Variants in LCOR observed in about 807,000 individuals in gnomAD.
LCOR encodes ligand dependent nuclear receptor corepressor, also known as ligand-dependent corepressor.
Under a neutral mutation model 64.4 loss-of-function variants are expected in LCOR, and 14 were observed. That is an observed-to-expected ratio of 0.22 (90% CI 0.14 to 0.34). The LOEUF is 0.34. LCOR is among the 10% of genes least tolerant of loss of function. The pLI is 1.00. For missense variants in LCOR, 1,686 were observed against 1,765.3 expected (o/e 0.96, Z 0.80); for synonymous variants, 643 against 642.5 (o/e 1.00, Z -0.01).
intron 2 of LCOR, among the ~76,000 whole-genome samples, chr10:96,904,269 A>G (rs1231658943): frequency 3.3e-5 from 5 of 152,204 alleles, no homozygotes. Context: ...AGCAAAGGTG[A>G]GATGCAGAGG....
chr10:96,886,832 ATCT>A (rs1182785674), intron 2 of LCOR, among the ~76,000 whole-genome samples: 1 of 152,210 alleles, frequency 6.6e-6, no homozygotes, highest in Non-Finnish European at 1.5e-5. Context: ...ATTTATTCCT[ATCT>A]TTAAACCAGT....
rs1217995793 is a variant in LCOR at position 96,984,830 on chromosome 10, T to C, written c.4370T>C (p.Val1457Ala). Residue 1457 changes from valine (V) to alanine (A), a missense_variant, in exon 8 of 8, where the codon GTG (valine) becomes GCG (alanine). Around this residue, in one of 3 missense-constraint regions of LCOR, gnomAD observed 1,293 missense variants for 1,410.4 expected, o/e 0.92. Transcript: ENST00000421806. ...PKKTSLKENK[V>A]KIPKKSAGKS... ...AAGACGTCTTTGAAAGAGAATAAAG[T>C]GAAGATCCCTAAAAAGTCCGCTGGG... The C allele has an allele frequency of 6.2e-7, 1 of 1,613,862 alleles. No individual in the cohort carries two copies. The highest frequency in any genetic ancestry group is 1.7e-5 in the Admixed American group (1 of 60,004).
chr10:96,862,623 T>C (rs1265089365), intron 2 of LCOR, among the ~76,000 whole-genome samples: 1 of 152,154 alleles, frequency 6.6e-6, no homozygotes, highest in Non-Finnish European at 1.5e-5. Context: ...CTTCAGCCCT[T>C]TTCCCTTCTC....
chr10:96,942,325 CGCAGGCACTCG>C, intron 4 of LCOR, among the ~76,000 whole-genome samples: 1 of 150,706 alleles, frequency 6.6e-6, no homozygotes, highest in African/African-American at 2.4e-5. Context: ...CGCCTGCAAT[CGCAGGCACTCG>C]GCAGGCTGAG....
At chr10:96,935,191 C>T (rs1847328780) in intron 4 of LCOR, among the ~76,000 whole-genome samples, 1 of 131,940 alleles carries the variant, frequency 7.6e-6, no homozygotes, top group Admixed American at 8.2e-5. Context: ...CTCTGTCACC[C>T]AGTCTGGAAT....
intron 2 of LCOR, among the ~76,000 whole-genome samples, chr10:96,869,295 C>T (rs1846031276): frequency 6.6e-6 from 1 of 152,132 alleles, no homozygotes; most frequent in Non-Finnish European, 1.5e-5. Flanking sequence ...CCATTACAGC[C>T]TCCACCTTCT....
At chr10:96,833,277 C>G (rs913919760) in intron 1 of LCOR, 129 bp from the exon 2 acceptor site, 1 of 953,014 alleles carries the variant, frequency 1.0e-6, no homozygotes, top group Non-Finnish European at 1.2e-6. Flanking sequence ...CCTCCCGGAC[C>G]TTGGGCCGCC....
chr10:96,841,547 G>T (rs879543127), intron 2 of LCOR, among the ~76,000 whole-genome samples: 7 of 151,924 alleles, frequency 4.6e-5, no homozygotes, highest in Non-Finnish European at 1.0e-4. Flanking sequence ...TTTTAGTAGA[G>T]ACGGGGTTTC....
chr10:96,923,351 A>G (rs1311517411), intron 4 of LCOR, among the ~76,000 whole-genome samples: 1 of 152,240 alleles, frequency 6.6e-6, no homozygotes, highest in Non-Finnish European at 1.5e-5. Flanking sequence ...TATGAATTTA[A>G]AACAATATTA....
intron 7 of LCOR, chr10:96,955,721 T>C (rs1014041926): frequency 1.2e-6 from 2 of 1,613,794 alleles, no homozygotes; most frequent in African/African-American, 2.7e-5. Context: ...GAAAAATGAG[T>C]GTTTCCAAAG....
At position 96,981,899 on chromosome 10, in the gene LCOR, C is replaced by T; in HGVS notation, c.1439C>T (p.Thr480Ile). The change falls in exon 8 of 8, where the codon ACA (threonine) becomes ATA (isoleucine). Residue 480 changes from threonine to isoleucine, a missense_variant. Physicochemically the swap from Thr to Ile is moderately conservative, Grantham distance 89. Coordinates refer to ENST00000421806, the MANE Select transcript of LCOR (RefSeq NM_001346516.2). ...GTTGTTTATATCAGTCAACCAATAACAGAATGCCACTTTGAGAATCAAAAA... is the reference window on the plus strand; with the variant it reads ...GTTGTTTATATCAGTCAACCAATAATAGAATGCCACTTTGAGAATCAAAAA... ...CDVVYISQPI[T>I]ECHFENQKSI... is the part of the protein sequence containing the mutation. The T allele has an allele frequency of 1.2e-6, 2 of 1,614,162 alleles. No homozygotes were observed. Among genetic ancestry groups the T allele is most frequent in the Non-Finnish European group, 1.7e-6 (2 of 1,180,028 alleles).
At chr10:96,852,186 G>T (rs1417735402) in intron 2 of LCOR, among the ~76,000 whole-genome samples, 1 of 152,228 alleles carries the variant, frequency 6.6e-6, no homozygotes, top group African/African-American at 2.4e-5. Flanking sequence ...GGAGGCTCAG[G>T]TGGGAGGATC....
intron 4 of LCOR, among the ~76,000 whole-genome samples, chr10:96,912,149 G>A (rs1007726715): frequency 6.6e-6 from 1 of 151,894 alleles, no homozygotes; most frequent in Non-Finnish European, 1.5e-5. Context: ...GGTCAGGATG[G>A]TCTCAAACTC....
At chr10:96,956,002 A>T in intron 7 of LCOR, 1 of 1,519,194 alleles carries the variant, frequency 6.6e-7, no homozygotes, top group African/African-American at 1.4e-5. Flanking sequence ...GCTTGCACGT[A>T]ATTTCATTTA....
intron 2 of LCOR, among the ~76,000 whole-genome samples, chr10:96,871,217 CTT>C (rs113618273): frequency 7.1e-6 from 1 of 139,996 alleles, no homozygotes. Flanking sequence ...CCACACCTGG[CTT>C]TTTTTTTTTT....
chr10:96,888,257 C>T (rs904541072), intron 2 of LCOR, among the ~76,000 whole-genome samples: 5 of 145,050 alleles, frequency 3.4e-5, no homozygotes, highest in South Asian at 2.2e-4. Flanking sequence ...CCCAGCTACT[C>T]AGGAGGCTGA....
chr10:96,964,328 A>C (rs1239015666), intron 7 of LCOR: 1 of 150,660 alleles, frequency 6.6e-6, no homozygotes, highest in Admixed American at 6.6e-5. Context: ...TTATTTGACC[A>C]TGACATTTTG....
chr10:96,918,813 A>G (rs1169208123), intron 4 of LCOR, among the ~76,000 whole-genome samples: 1 of 152,210 alleles, frequency 6.6e-6, no homozygotes, highest in East Asian at 1.9e-4. Flanking sequence ...CAGTGAGAGC[A>G]GTGACTGGTG....
chr10:96,935,633 G>A (rs1331324981), intron 4 of LCOR, among the ~76,000 whole-genome samples: 1 of 152,150 alleles, frequency 6.6e-6, no homozygotes, highest in Non-Finnish European at 1.5e-5. Context: ...CAGTAGTTCT[G>A]CAACAACCTG....
Sources: gnomAD v4.1 joint callset for allele counts (sites outside exome capture counted in the v4.1 genomes callset) on GRCh38, gnomAD v4.1.1 for gene constraint, gnomAD v4.1.1 regional missense constraint, MANE v1.5 for transcripts, NCBI Gene and HGNC (gene_info 2026-07-23, HGNC 2026-07-21) for gene names.